Variants in KCNG2 observed in about 807,000 individuals in gnomAD.
The protein encoded by KCNG2 is voltage-gated potassium channel regulatory subunit KCNG2.
Under a neutral mutation model 12.3 loss-of-function variants are expected in KCNG2, and 7 were observed. The observed-to-expected ratio is 0.57, with a 90% CI of 0.32 to 1.07. The LOEUF (loss-of-function observed/expected upper bound fraction) is 1.07, where lower values mean the gene tolerates loss of function less well. Ranked by LOEUF, KCNG2 falls within the 50% of genes least tolerant of loss-of-function variation. The pLI is 0.04. For missense variants in KCNG2, 703 were observed against 726.0 expected (o/e 0.97, Z 0.36); for synonymous variants, 414 against 351.4 (o/e 1.18, Z -1.99).
intron 2 of KCNG2, among the ~76,000 whole-genome samples, chr18:79,861,649 GT>G (rs1979225947): frequency 6.6e-6 from 1 of 152,174 alleles, no homozygotes; most frequent in Admixed American, 6.5e-5. Context: ...AGTTTGTTGA[GT>G]TTCTTAGATG....
At chr18:79,837,439 C>T (rs1978341735) in intron 1 of KCNG2, among the ~76,000 whole-genome samples, 2 of 152,226 alleles carry the variant, frequency 1.3e-5, no homozygotes, top group African/African-American at 4.8e-5. Flanking sequence ...CCTCTTCTCA[C>T]AGCTCCACTA....
At chr18:79,866,383 G>T (rs1241888077) in intron 3 of KCNG2, among the ~76,000 whole-genome samples, 1 of 130,492 alleles carries the variant, frequency 7.7e-6, no homozygotes. Flanking sequence ...TGAGGTCTGG[G>T]TGCTGAGAGG....
At chr18:79,854,686 C>T (rs574035755) in intron 1 of KCNG2, among the ~76,000 whole-genome samples, 7 of 152,188 alleles carry the variant, frequency 4.6e-5, no homozygotes, top group Non-Finnish European at 7.4e-5. Context: ...CCACCACGCC[C>T]GGCTAATTTT....
intron 1 of KCNG2, among the ~76,000 whole-genome samples, chr18:79,826,045 A>G (rs1429773792): frequency 6.6e-6 from 1 of 152,196 alleles, no homozygotes; most frequent in Non-Finnish European, 1.5e-5. Flanking sequence ...CTTAAGAGGA[A>G]GCTCTCGGCG....
chr18:79,873,096 A>G (rs12456372), intron 3 of KCNG2, among the ~76,000 whole-genome samples: 127,729 of 152,142 alleles, frequency 0.84, 57,237 homozygotes, highest in East Asian at 0.99. Context: ...CAGGATGGGC[A>G]GCAGGGTGGG....
chr18:79,837,899 G>A (rs1041569200), intron 1 of KCNG2, among the ~76,000 whole-genome samples: 9 of 152,124 alleles, frequency 5.9e-5, no homozygotes, highest in African/African-American at 1.4e-4. Context: ...CCATTTTCAC[G>A]CCTATACAGA....
intron 1 of KCNG2, among the ~76,000 whole-genome samples, chr18:79,820,567 C>T (rs549619813): frequency 3.3e-5 from 5 of 152,204 alleles, no homozygotes; most frequent in South Asian, 2.1e-4. Context: ...ATCTGCTTGC[C>T]GGGCATGTGT....
chr18:79,848,391 G>C (rs1036525515), intron 1 of KCNG2, among the ~76,000 whole-genome samples: 1 of 152,202 alleles, frequency 6.6e-6, no homozygotes, highest in African/African-American at 2.4e-5. Flanking sequence ...AACCGCTGGG[G>C]AGGGGCCTGC....
At chr18:79,891,148 G>A (rs1980729860) in intron 3 of KCNG2, among the ~76,000 whole-genome samples, 1 of 152,098 alleles carries the variant, frequency 6.6e-6, no homozygotes, top group Non-Finnish European at 1.5e-5. Context: ...TGGAGTGTGA[G>A]CTTATTAATT....
Position 79,856,424 on chromosome 18 carries a change from G to A in KCNG2, c.-69G>A, listed in dbSNP as rs1979011479. ...CTGTGTTTTCACCGGTTCCCTGAAA[G>A]AGAATACCCTGTACCTTCACAGAGC... On this transcript the variant is annotated 5_prime_UTR_variant, in exon 2 of 4. Coordinates refer to ENST00000316249, the MANE Select transcript of KCNG2 (RefSeq NM_012283.2). Among the ~76,000 whole-genome samples the A allele has an allele frequency of 6.6e-6, 1 of 152,244 alleles. No homozygotes were observed. Among genetic ancestry groups the A allele is most frequent in the African/African-American group, 2.4e-5 (1 of 41,462 alleles).
intron 1 of KCNG2, among the ~76,000 whole-genome samples, chr18:79,848,964 CTG>C (rs1369072540): frequency 1.3e-5 from 2 of 152,150 alleles, no homozygotes; most frequent in African/African-American, 2.4e-5. Flanking sequence ...GTGAATTTCT[CTG>C]TGTTTGTTGA....
At chr18:79,858,980 G>C (rs995393539) in intron 2 of KCNG2, among the ~76,000 whole-genome samples, 3 of 152,310 alleles carry the variant, frequency 2.0e-5, no homozygotes, top group Admixed American at 6.5e-5. Flanking sequence ...ACTCTTATCA[G>C]ATACGGGACT....
At chr18:79,812,192 G>GGAA (rs2087498068) in intron 1 of KCNG2, among the ~76,000 whole-genome samples, 1 of 152,166 alleles carries the variant, frequency 6.6e-6, no homozygotes, top group Non-Finnish European at 1.5e-5. Context: ...GGGTCGAAGA[G>GGAA]GAAGTCTCAA....
At chr18:79,838,787 T>C (rs1978376031) in intron 1 of KCNG2, among the ~76,000 whole-genome samples, 1 of 152,172 alleles carries the variant, frequency 6.6e-6, no homozygotes, top group Non-Finnish European at 1.5e-5. Flanking sequence ...TCAAAATTTG[T>C]GAGACCAAGC....
intron 2 of KCNG2, among the ~76,000 whole-genome samples, chr18:79,858,584 C>G (rs1297106160): frequency 3.9e-5 from 6 of 152,258 alleles, no homozygotes; most frequent in Middle Eastern, 3.4e-3. Flanking sequence ...GTGTACATCT[C>G]GGAGTGGGGT....
At chr18:79,874,466 T>C (rs948081185) in intron 3 of KCNG2, among the ~76,000 whole-genome samples, 1 of 152,238 alleles carries the variant, frequency 6.6e-6, no homozygotes, top group African/African-American at 2.4e-5. Flanking sequence ...GTCAGAGTCC[T>C]AGTGGGTGTT....
intron 1 of KCNG2, among the ~76,000 whole-genome samples, chr18:79,855,260 G>A (rs548152917): frequency 6.6e-6 from 1 of 152,252 alleles, no homozygotes; most frequent in African/African-American, 2.4e-5. Flanking sequence ...AACTGAGAGT[G>A]CCTCTGGGCC....
intron 3 of KCNG2, among the ~76,000 whole-genome samples, chr18:79,887,219 GGTCACA>G (rs1980557371): frequency 6.6e-6 from 1 of 151,562 alleles, no homozygotes; most frequent in South Asian, 2.1e-4. Flanking sequence ...GGGGATATAG[GGTCACA>G]GGGACAGGGA....
At chr18:79,883,291 C>T (rs1980391606) in intron 3 of KCNG2, among the ~76,000 whole-genome samples, 1 of 152,154 alleles carries the variant, frequency 6.6e-6, no homozygotes, top group Non-Finnish European at 1.5e-5. Context: ...CGGGGGGAAG[C>T]TGGGGGAGCT....
Sources: allele counts gnomAD v4.1 joint callset (sites outside exome capture counted in the v4.1 genomes callset), GRCh38; gene constraint gnomAD v4.1.1; transcripts MANE v1.5; gene names NCBI Gene and HGNC (gene_info 2026-07-23, HGNC 2026-07-21).